The following COLEC10 variants were observed in gnomAD, a reference collection of about 807,000 sequenced individuals.
COLEC10 encodes the protein collectin-10.
A neutral mutation model predicts 28.4 loss-of-function variants in COLEC10; 22 were observed. That is an observed-to-expected ratio of 0.78 (90% CI 0.55 to 1.11). The LOEUF (loss-of-function observed/expected upper bound fraction) is 1.11, where lower values mean the gene tolerates loss of function less well. COLEC10 is among the 50% of genes least tolerant of loss of function. COLEC10 has a pLI of 0.00. For missense variants in COLEC10, 361 were observed against 344.1 expected (o/e 1.05, Z -0.39); for synonymous variants, 125 against 116.1 (o/e 1.08, Z -0.49).
intron 1 of COLEC10, among the ~76,000 whole-genome samples, chr8:119,071,484 G>T (rs921273504): frequency 8.5e-5 from 13 of 152,058 alleles, no homozygotes; most frequent in African/African-American, 2.4e-4. Context: ...TGGCTCCTCT[G>T]CCTGGCCCAC....
At chr8:118,986,366 T>C in the COLEC10 span, among the ~76,000 whole-genome samples, 1 of 152,102 alleles carries the variant, frequency 6.6e-6, no homozygotes, top group East Asian at 1.9e-4. Context: ...AGTTATAAAT[T>C]GAATTGAGAC....
intron 2 of COLEC10, among the ~76,000 whole-genome samples, chr8:119,050,322 G>A (rs1453629610): frequency 2.0e-5 from 3 of 152,080 alleles, no homozygotes; most frequent in Non-Finnish European, 4.4e-5. Context: ...AAATAAATAA[G>A]GTTCATTTGG....
In COLEC10 at chr8:119,102,354, A is replaced by G; in HGVS notation, c.299A>G (p.Lys100Arg). 6.3e-7 allele frequency: 1 copy of G among 1,598,298 alleles called. No individual in the cohort carries two copies. The highest frequency in any genetic ancestry group is 8.5e-7 in the Non-Finnish European group (1 of 1,170,962). ...KTGPIGKKGD[K>R]GEKGLLGIPG... ...TGCTATTGTTTTTTTTCAGGTGACA[A>G]AGGGGAAAAAGGTTTGCTTGGAATA... Residue 100 changes from lysine (K) to arginine (R), a missense_variant, in exon 4 of 6, where the codon AAA becomes AGA. By Grantham distance (26) the Lys-to-Arg change is conservative. Coordinates refer to ENST00000332843, the MANE Select transcript of COLEC10 (RefSeq NM_006438.5).
intron 2 of COLEC10, chr8:119,009,623 A>C (rs772923673): frequency 1.3e-5 from 2 of 150,722 alleles, no homozygotes; most frequent in African/African-American, 2.5e-5. Context: ...AAACGAACTA[A>C]GACAAATGTA....
At chr8:118,981,841 T>A in the COLEC10 span, among the ~76,000 whole-genome samples, 1 of 152,126 alleles carries the variant, frequency 6.6e-6, no homozygotes, top group Admixed American at 6.6e-5. Flanking sequence ...AAACCCCGTT[T>A]TCTCAGTTCT....
intron 2 of COLEC10, among the ~76,000 whole-genome samples, chr8:119,058,383 C>T (rs1323365818): frequency 6.6e-6 from 1 of 152,006 alleles, no homozygotes; most frequent in African/African-American, 2.4e-5. Flanking sequence ...ACAGCCATCA[C>T]TTCAACAGTC....
intron 2 of COLEC10, among the ~76,000 whole-genome samples, chr8:119,028,377 C>A (rs983470720): frequency 1.3e-5 from 2 of 151,998 alleles, no homozygotes; most frequent in African/African-American, 4.8e-5. Flanking sequence ...AAGACATACC[C>A]GAGACTGGGA....
upstream of COLEC10, among the ~76,000 whole-genome samples, chr8:119,064,723 A>G (rs901398516): frequency 1.3e-5 from 2 of 152,168 alleles, no homozygotes; most frequent in African/African-American, 2.4e-5. Context: ...TGCATCCTCA[A>G]TGCTTGAGAA....
intron 2 of COLEC10, among the ~76,000 whole-genome samples, chr8:119,046,782 C>A (rs766718425): frequency 8.5e-5 from 13 of 152,118 alleles, no homozygotes; most frequent in Non-Finnish European, 1.6e-4. Context: ...CTTTGTGTAT[C>A]TGCTTGCACA....
At chr8:118,956,395 C>G in the COLEC10 span, among the ~76,000 whole-genome samples, 2 of 152,162 alleles carry the variant, frequency 1.3e-5, no homozygotes, top group Non-Finnish European at 2.9e-5. Context: ...TAAGAGAAAA[C>G]TCTCTTAAAC....
chr8:119,048,180 T>C (rs184104154), intron 2 of COLEC10, among the ~76,000 whole-genome samples: 1 of 152,324 alleles, frequency 6.6e-6, no homozygotes, highest in East Asian at 1.9e-4. Context: ...GTGTCTATTG[T>C]TCCCATGTTT....
chr8:119,001,792 G>T (rs1315153790), intron 1 of COLEC10, among the ~76,000 whole-genome samples: 2 of 152,126 alleles, frequency 1.3e-5, no homozygotes, highest in Admixed American at 1.3e-4. Flanking sequence ...CAAATTTCAA[G>T]TATGAATCAG....
the COLEC10 span, among the ~76,000 whole-genome samples, chr8:118,969,444 T>C: frequency 1.3e-5 from 2 of 152,052 alleles, no homozygotes; most frequent in Non-Finnish European, 2.9e-5. Flanking sequence ...TGTGCATTTA[T>C]TCACTCATTC....
the COLEC10 span, among the ~76,000 whole-genome samples, chr8:118,956,725 AC>A: frequency 6.6e-6 from 1 of 152,180 alleles, no homozygotes; most frequent in Admixed American, 6.5e-5. Flanking sequence ...AATACTCTAC[AC>A]CTACTCAGGT....
intron 1 of COLEC10, among the ~76,000 whole-genome samples, chr8:118,998,587 C>T (rs567653777): frequency 1.3e-5 from 2 of 151,760 alleles, no homozygotes; most frequent in African/African-American, 4.8e-5. Context: ...GCCTGTAATC[C>T]CAGCTCGTTT....
chr8:118,974,241 C>G, the COLEC10 span, among the ~76,000 whole-genome samples: 719 of 151,478 alleles, frequency 4.7e-3, 5 homozygotes, highest in African/African-American at 0.016. Flanking sequence ...TTTTCTTTCA[C>G]CACTAAAAGG....
At chr8:119,002,643 C>T (rs572233378) in intron 1 of COLEC10, among the ~76,000 whole-genome samples, 1 of 152,176 alleles carries the variant, frequency 6.6e-6, no homozygotes, top group East Asian at 1.9e-4. Context: ...CTTGGGTGTT[C>T]TATTCCAATG....
intron 2 of COLEC10, among the ~76,000 whole-genome samples, chr8:119,056,236 T>C (rs1303666104): frequency 2.0e-5 from 3 of 152,090 alleles, no homozygotes; most frequent in Non-Finnish European, 4.4e-5. Flanking sequence ...AGTCAAGCAC[T>C]ACAGGTTGCC....
chr8:119,037,887 T>C (rs1814418778), intron 2 of COLEC10, among the ~76,000 whole-genome samples: 1 of 152,252 alleles, frequency 6.6e-6, no homozygotes, highest in Non-Finnish European at 1.5e-5. Context: ...ACTTTTTTCT[T>C]GAATGATTAT....
Sources: gnomAD v4.1 joint callset for allele counts (sites outside exome capture counted in the v4.1 genomes callset) on GRCh38, gnomAD v4.1.1 for gene constraint, MANE v1.5 for transcripts, NCBI Gene and HGNC (gene_info 2026-07-23, HGNC 2026-07-21) for gene names.